TAFA5: variants seen among roughly 807,000 people sequenced by gnomAD.
TAFA5 encodes chemokine-like protein TAFA-5.
Under a neutral mutation model 15.3 loss-of-function variants are expected in TAFA5, and 6 were observed. That is an observed-to-expected ratio of 0.39 (90% confidence interval 0.21 to 0.77). The LOEUF is 0.77. Ranked by LOEUF, TAFA5 falls within the 30% of genes least tolerant of loss-of-function variation. The probability of loss-of-function intolerance (pLI) is 0.41; values close to 1 mark genes in which losing one functional copy is unlikely to be tolerated. For synonymous variants in TAFA5, 103 were observed against 80.7 expected (o/e 1.28, Z -1.48); for missense variants, 161 against 193.1 (o/e 0.83, Z 0.98).
chr22:48,701,375 C>T (rs1928900321), intron 2 of TAFA5, among the ~76,000 whole-genome samples: 1 of 152,186 alleles, frequency 6.6e-6, no homozygotes, highest in African/African-American at 2.4e-5. Context: ...GGTGTGTGTC[C>T]CCACACTGAG....
chr22:48,744,447 G>C (rs973556970), intron 3 of TAFA5, among the ~76,000 whole-genome samples: 2 of 152,204 alleles, frequency 1.3e-5, no homozygotes, highest in Admixed American at 6.5e-5. Context: ...TGGAGGCATC[G>C]ATACCTGGTG....
intron 1 of TAFA5, among the ~76,000 whole-genome samples, chr22:48,627,467 CAA>C (rs1386075772): frequency 1.3e-5 from 2 of 152,256 alleles, no homozygotes; most frequent in South Asian, 2.1e-4. Context: ...ACAGCGCACG[CAA>C]AGAGTGCCTG....
chr22:48,616,273 C>G (rs1325267773), intron 1 of TAFA5, among the ~76,000 whole-genome samples: 1 of 152,104 alleles, frequency 6.6e-6, no homozygotes, highest in Non-Finnish European at 1.5e-5. Context: ...ACAGTGTGGC[C>G]AATACCGCCG....
chr22:48,697,697 C>A (rs528667671), intron 2 of TAFA5, among the ~76,000 whole-genome samples: 3 of 149,518 alleles, frequency 2.0e-5, no homozygotes, highest in Admixed American at 2.0e-4. Flanking sequence ...GTGATGATTA[C>A]AATTGATGAT....
chr22:48,702,496 C>T (rs1028806560), intron 2 of TAFA5, among the ~76,000 whole-genome samples: 15 of 152,142 alleles, frequency 9.9e-5, no homozygotes, highest in Admixed American at 6.5e-4. Flanking sequence ...CCTGCTCCTA[C>T]CGGCCCGGGG....
At chr22:48,711,413 G>A (rs907296393) in intron 3 of TAFA5, among the ~76,000 whole-genome samples, 3 of 152,050 alleles carry the variant, frequency 2.0e-5, no homozygotes, top group African/African-American at 7.2e-5. Context: ...GGGGACCGGG[G>A]TGGGCCCTGT....
intron 1 of TAFA5, among the ~76,000 whole-genome samples, chr22:48,493,542 G>A (rs1267302015): frequency 1.3e-5 from 2 of 152,210 alleles, no homozygotes; most frequent in East Asian, 3.9e-4. Context: ...TCTCGAAGAG[G>A]TAAAATGGAA....
At chr22:48,614,805 T>C (rs1038608707) in intron 1 of TAFA5, among the ~76,000 whole-genome samples, 1 of 152,062 alleles carries the variant, frequency 6.6e-6, no homozygotes, top group African/African-American at 2.4e-5. Flanking sequence ...CCAGCACTTG[T>C]AGTGTGTGAG....
chr22:48,646,553 T>A, intron 1 of TAFA5, 44 bp from the exon 2 acceptor site: 2 of 1,600,368 alleles, frequency 1.2e-6, no homozygotes, highest in Middle Eastern at 1.7e-4. Context: ...CTGTGGGGTG[T>A]CTGTAACGTG....
In TAFA5 at chr22:48,677,405, G is replaced by A. The variant is rs561520687; in HGVS notation, c.263-30312G>A. 7.4e-4 allele frequency among the ~76,000 whole-genome samples: 112 copies of A among 152,336 alleles called. 1 individual carries two copies. Among genetic ancestry groups the A allele is most frequent in the African/African-American group, 2.4e-3 (101 of 41,588 alleles). On this transcript the variant is annotated intron_variant, in intron 2 of 3. Coordinates refer to ENST00000402357, the MANE Select transcript of TAFA5 (RefSeq NM_001082967.3). ...GGTGGAGGCAGCTCAGGGTGGCCGGGCCACGCGATTGCAGAAGGGACATGT... is the reference window on the plus strand; with the variant it reads ...GGTGGAGGCAGCTCAGGGTGGCCGGACCACGCGATTGCAGAAGGGACATGT...
chr22:48,555,012 C>T (rs902966381), intron 1 of TAFA5, among the ~76,000 whole-genome samples: 2 of 152,296 alleles, frequency 1.3e-5, no homozygotes, highest in East Asian at 1.9e-4. Context: ...CTGAGATCTC[C>T]GATGGTGGAG....
chr22:48,692,770 G>C (rs535299485), intron 2 of TAFA5, among the ~76,000 whole-genome samples: 1 of 152,308 alleles, frequency 6.6e-6, no homozygotes, highest in East Asian at 1.9e-4. Flanking sequence ...TGTGCAGGTG[G>C]CCATACGAGG....
At chr22:48,543,121 C>A (rs572034482) in intron 1 of TAFA5, among the ~76,000 whole-genome samples, 3 of 151,970 alleles carry the variant, frequency 2.0e-5, no homozygotes, top group Admixed American at 2.0e-4. Context: ...GAGCCCTCCA[C>A]GTCCTCCCCT....
chr22:48,740,956 A>G (rs557951150), intron 3 of TAFA5, among the ~76,000 whole-genome samples: 7 of 152,112 alleles, frequency 4.6e-5, no homozygotes, highest in Non-Finnish European at 8.8e-5. Flanking sequence ...GCCTCCTCGC[A>G]GGGCCCCGAG....
chr22:48,640,273 T>C (rs1926624203), intron 1 of TAFA5, among the ~76,000 whole-genome samples: 2 of 151,684 alleles, frequency 1.3e-5, no homozygotes, highest in Non-Finnish European at 2.9e-5. Flanking sequence ...GGGTGGAGGG[T>C]CCCACGCTGC....
chr22:48,736,218 C>A (rs1377540700), intron 3 of TAFA5, among the ~76,000 whole-genome samples: 1 of 84,922 alleles, frequency 1.2e-5, no homozygotes, highest in East Asian at 2.4e-4. Flanking sequence ...CAGAGTCCAT[C>A]CCCCCAGGAG....
At chr22:48,664,568 G>A (rs996285570) in intron 2 of TAFA5, among the ~76,000 whole-genome samples, 3 of 152,118 alleles carry the variant, frequency 2.0e-5, no homozygotes, top group Non-Finnish European at 4.4e-5. Flanking sequence ...AGGCAAATTG[G>A]AAATTGTAAG....
At chr22:48,661,119 G>A (rs755125862) in intron 2 of TAFA5, among the ~76,000 whole-genome samples, 1 of 152,198 alleles carries the variant, frequency 6.6e-6, no homozygotes, top group East Asian at 1.9e-4. Context: ...GAGCACGTAC[G>A]GGGTGTGTGT....
chr22:48,492,149 C>G (rs963495491), intron 1 of TAFA5, among the ~76,000 whole-genome samples: 1 of 149,882 alleles, frequency 6.7e-6, no homozygotes, highest in Non-Finnish European at 1.5e-5. Flanking sequence ...TTTTCAGAAC[C>G]GATAAAGCAA....
Sources: allele counts gnomAD v4.1 joint callset (sites outside exome capture counted in the v4.1 genomes callset), GRCh38; gene constraint gnomAD v4.1.1; transcripts MANE v1.5; gene names NCBI Gene and HGNC (gene_info 2026-07-23, HGNC 2026-07-21).